PCDHA2: variants seen among roughly 807,000 people sequenced by gnomAD.
PCDHA2 encodes the protein protocadherin alpha-2.
A neutral mutation model predicts 66.0 loss-of-function variants in PCDHA2; 58 were observed. The ratio of observed to expected loss-of-function variants is 0.88; its 90% CI spans 0.71 to 1.09. The LOEUF is 1.09. Ranked by LOEUF, PCDHA2 falls within the 50% of genes least tolerant of loss-of-function variation. The probability of loss-of-function intolerance (pLI) is 0.00; values close to 1 mark genes in which losing one functional copy is unlikely to be tolerated. For missense variants in PCDHA2, 1,267 were observed against 1,242.3 expected, an observed-to-expected ratio of 1.02 and a Z score of -0.30; for synonymous variants, 634 against 554.0, an observed-to-expected ratio of 1.14 and a Z score of -2.03.
At chr5:140,990,858 T>C (rs1243458417) in intron 3 of PCDHA2, among the ~76,000 whole-genome samples, 2 of 152,172 alleles carry the variant, frequency 1.3e-5, no homozygotes, top group African/African-American at 2.4e-5. Flanking sequence ...CCTGAGGACA[T>C]TGTATTTTAA....
At chr5:140,866,291 T>A (rs1193667769) in intron 1 of PCDHA2, 1 of 152,138 alleles carries the variant, frequency 6.6e-6, no homozygotes, top group Non-Finnish European at 1.5e-5. Flanking sequence ...TTGGGACAAG[T>A]ATAGATGTTG....
rs782792374 is a variant in PCDHA2, at chr5:140,869,589, T to C, written c.2388+72237T>C. The C allele has an allele frequency of 2.5e-6, 4 of 1,614,002 alleles. No individual in the cohort carries two copies. The African/African-American group carries it at 4.0e-5, about 16-fold the overall frequency. On this transcript the variant is annotated intron_variant, in intron 1 of 3. Coordinates refer to ENST00000526136, the MANE Select transcript of PCDHA2 (RefSeq NM_018905.3). ...TAGAGGGAGCTTCTGATGCTGACAT[T>C]GAAGAGAATGCTCTATTGACCTACA...
At chr5:140,842,662 C>A in intron 1 of PCDHA2, 1 of 1,595,426 alleles carries the variant, frequency 6.3e-7, no homozygotes, top group East Asian at 2.2e-5. Context: ...AGGTGGCCGA[C>A]GTGAACGACA....
At chr5:140,850,015 A>G (rs2041294167) in intron 1 of PCDHA2, 1 of 1,596,724 alleles carries the variant, frequency 6.3e-7, no homozygotes, top group Non-Finnish European at 8.6e-7. Flanking sequence ...CTGTCGAGCT[A>G]CGTGTCAGTG....
intron 3 of PCDHA2, among the ~76,000 whole-genome samples, chr5:140,996,776 A>G (rs1554255393): frequency 6.6e-6 from 1 of 152,206 alleles, no homozygotes; most frequent in Non-Finnish European, 1.5e-5. Flanking sequence ...TAAAATGAGT[A>G]GTGCCTCACT....
chr5:140,849,729 G>C lies in PCDHA2; in HGVS notation c.2388+52377G>C, dbSNP rs1180272167. 2.5e-6 allele frequency: 4 copies of C among 1,598,492 alleles called. 1 individual carries two copies. Among genetic ancestry groups the C allele is most frequent in the Non-Finnish European group, 3.4e-6 (4 of 1,168,006 alleles). On this transcript the variant is annotated intron_variant, in intron 1 of 3. Coordinates refer to ENST00000526136, the MANE Select transcript of PCDHA2 (RefSeq NM_018905.3). Reference sequence around the variant, plus strand: ...TTACTACTCGTTGGTGCTGGACAGAGCTCTGGACCGCGAGAGTGTGTCCGC... The same window carrying C: ...TTACTACTCGTTGGTGCTGGACAGACCTCTGGACCGCGAGAGTGTGTCCGC...
Position 140,850,525 on chromosome 5 carries a change from A to G in PCDHA2, c.2388+53173A>G, listed in dbSNP as rs2041657187. Reference sequence around the variant, plus strand: ...CTGGTGGAGAGCGGCCAGGCGCCAAAGTCATCGTCGCGGGCGTCAGTGGGT... The same window carrying G: ...CTGGTGGAGAGCGGCCAGGCGCCAAGGTCATCGTCGCGGGCGTCAGTGGGT... On this transcript the variant is annotated intron_variant, in intron 1 of 3. Transcript: ENST00000526136. 5.6e-6 allele frequency: 9 copies of G among 1,598,066 alleles called. 2 individuals are homozygous for G. Among genetic ancestry groups the G allele is most frequent in the African/African-American group, 1.3e-5 (1 of 74,316 alleles).
Position 141,009,697 on chromosome 5 carries a change from C to T in PCDHA2, c.2607C>T (p.Tyr869=), listed in dbSNP as rs1554262284. ...ACAGCAACAGCTGGACCTTTAAATA[C>T]GGACCAGGCAACCCCAAACAATCCG... ...GVNSNSWTFK[Y]GPGNPKQSGP... The change falls in exon 4 of 4, where the codon TAC becomes TAT. Residue 869 remains tyrosine (Y), a synonymous_variant. Coordinates refer to ENST00000526136, the MANE Select transcript of PCDHA2 (RefSeq NM_018905.3). 1.1e-5 allele frequency: 17 copies of T among 1,613,952 alleles called. No individual in the cohort carries two copies. The highest frequency in any genetic ancestry group is 1.1e-5 in the South Asian group (1 of 91,066).
At chr5:140,906,982 G>A (rs1298159889) in intron 1 of PCDHA2, among the ~76,000 whole-genome samples, 3 of 152,140 alleles carry the variant, frequency 2.0e-5, no homozygotes, top group African/African-American at 7.2e-5. Flanking sequence ...TCTTCTGGTG[G>A]CAGCATTCCT....
intron 1 of PCDHA2, among the ~76,000 whole-genome samples, chr5:140,891,306 A>G (rs1452305510): frequency 6.6e-6 from 1 of 152,034 alleles, no homozygotes; most frequent in African/African-American, 2.4e-5. Flanking sequence ...ATTTGATTAC[A>G]TGAGTAAGTT....
intron 1 of PCDHA2, chr5:140,881,915 C>G (rs1431128063): frequency 1.7e-5 from 4 of 240,684 alleles, no homozygotes; most frequent in African/African-American, 8.9e-5. Flanking sequence ...AAATGTTGAG[C>G]AGAATGCAGT....
chr5:140,929,440 CCTT>C, intron 1 of PCDHA2: 2 of 1,448,524 alleles, frequency 1.4e-6, no homozygotes, highest in Non-Finnish European at 1.8e-6. Flanking sequence ...ACTAAACACT[CCTT>C]CTTAGCACTT....
At chr5:140,953,419 C>T (rs2094885258) in intron 1 of PCDHA2, among the ~76,000 whole-genome samples, 2 of 152,134 alleles carry the variant, frequency 1.3e-5, no homozygotes, top group Admixed American at 1.3e-4. Context: ...GGCTCCTCCC[C>T]TTTGTCCTTA....
intron 1 of PCDHA2, chr5:140,849,907 G>A (rs2150457051): frequency 1.3e-6 from 2 of 1,598,320 alleles, no homozygotes; most frequent in East Asian, 4.5e-5. Flanking sequence ...AACCCGCCGG[G>A]CTGCCACATC....
chr5:140,926,370 A>G (rs1268539055), intron 1 of PCDHA2: 1 of 152,298 alleles, frequency 6.6e-6, no homozygotes, highest in African/African-American at 2.4e-5. Flanking sequence ...GGCGGCAGGA[A>G]GAGCCCAGCT....
Position 140,966,227 on chromosome 5 carries a change from A to T in PCDHA2, c.2389-12722A>T, listed in dbSNP as rs556655692. The T allele has an allele frequency of 3.7e-5, 10 of 270,804 alleles. No individual in the cohort carries two copies. The South Asian group carries it at 1.7e-3, about 46-fold the overall frequency. 16.8% of individuals were successfully genotyped at this position (270,804 alleles called of 1,614,324 possible). On this transcript the variant is annotated intron_variant, in intron 1 of 3. Coordinates refer to ENST00000526136, the MANE Select transcript of PCDHA2 (RefSeq NM_018905.3). ...CTGCTTTTCCCAGACTAATCTCCTT[A>T]AAGACCCGTTAAGCAGGGGAGAGAC...
chr5:140,823,351 G>C (rs1272348746), intron 1 of PCDHA2: 3 of 1,612,448 alleles, frequency 1.9e-6, no homozygotes, highest in African/African-American at 2.7e-5. Context: ...GGACCACGAG[G>C]AAGTGGAGCT....
chr5:140,835,671 G>C (rs1489343208), intron 1 of PCDHA2: 19 of 1,613,790 alleles, frequency 1.2e-5, no homozygotes, highest in Non-Finnish European at 1.2e-5. Context: ...CGCGCGGGAC[G>C]GGGGCTCGCC....
chr5:141,006,465 G>T (rs1338372692), intron 3 of PCDHA2, among the ~76,000 whole-genome samples: 3 of 151,948 alleles, frequency 2.0e-5, no homozygotes, highest in Non-Finnish European at 4.4e-5. Context: ...TGCCTGTCTC[G>T]GCCTCCCAAA....
Sources: allele counts gnomAD v4.1 joint callset (sites outside exome capture counted in the v4.1 genomes callset), GRCh38; gene constraint gnomAD v4.1.1; transcripts MANE v1.5; gene names NCBI Gene and HGNC (gene_info 2026-07-23, HGNC 2026-07-21).